LRPPRC: variants seen among roughly 807,000 people sequenced by gnomAD.
LRPPRC encodes leucine-rich PPR motif-containing protein, mitochondrial.
LRPPRC carries 120 observed loss-of-function variants against 180.3 expected under a neutral mutation model. The observed-to-expected ratio is 0.67, with a 90% CI of 0.57 to 0.77. LRPPRC has a LOEUF of 0.77. Ranked by LOEUF, LRPPRC falls within the 30% of genes least tolerant of loss-of-function variation. The pLI, the probability that LRPPRC is intolerant of heterozygous loss-of-function variation, is 0.00. For missense variants in LRPPRC, 2,012 were observed against 1,657.2 expected (o/e 1.21, Z -3.72); for synonymous variants, 723 against 600.0 (o/e 1.21, Z -3.00).
At chr2:43,956,579 T>G (rs1424843395) in intron 14 of LRPPRC, among the ~76,000 whole-genome samples, 1 of 148,674 alleles carries the variant, frequency 6.7e-6, no homozygotes, top group African/African-American at 2.5e-5. Context: ...TATTAACAAC[T>G]GGCAAATCTA....
rs142836057 is a variant in LRPPRC, at chr2:43,951,448, T to C, written c.1650-848A>G. ...AGTGCATAATATTAAGTGGTAAAAC[T>C]TGCCATGGTTCCTTTGCTGTATCCC... On this transcript the variant is annotated intron_variant, in intron 14 of 37. Coordinates refer to ENST00000260665, the MANE Select transcript of LRPPRC (RefSeq NM_133259.4). Among the ~76,000 whole-genome samples the C allele has an allele frequency of 1.4e-4, 22 of 152,330 alleles. No individual in the cohort carries two copies. In the East Asian group the frequency reaches 3.9e-3, roughly 27 times the overall value.
chr2:43,911,980 AC>A (rs1331738418), intron 30 of LRPPRC, among the ~76,000 whole-genome samples: 1 of 152,156 alleles, frequency 6.6e-6, no homozygotes, highest in Non-Finnish European at 1.5e-5. Flanking sequence ...CACTCATCAT[AC>A]GGAAGAAGAA....
In LRPPRC at chr2:43,915,198, A is replaced by ACTCTCTCTCTCT. The variant is rs142492838; in HGVS notation, c.3149-2652_3149-2641dup. Among the ~76,000 whole-genome samples, 623 of 63,396 alleles carry ACTCTCTCTCTCT rather than the reference A, an allele frequency of 9.8e-3. 25 individuals carry two copies. Among genetic ancestry groups the ACTCTCTCTCTCT allele is most frequent in the Non-Finnish European group, 0.013 (335 of 26,412 alleles). 41.6% of individuals were successfully genotyped at this position (63,396 alleles called of 152,430 possible). A position where few individuals can be genotyped will look rare whatever the true frequency, so the allele number is the denominator to read the frequency against. ...ACTCCGGCCTGGGCAACAGAACAAG[A>ACTCTCTCTCTCT]CTCTCTCTCTCTCTCTCTCTCTCTC... On this transcript the variant is annotated intron_variant, in intron 29 of 37. Transcript: ENST00000260665.
chr2:43,943,411 C>G (rs1221716855), intron 23 of LRPPRC, among the ~76,000 whole-genome samples: 5 of 151,960 alleles, frequency 3.3e-5, no homozygotes, highest in Non-Finnish European at 7.4e-5. Flanking sequence ...TAACACTTAT[C>G]AGGCTCAAAA....
At chr2:43,943,951 G>T in intron 22 of LRPPRC, 57 bp from the exon 23 acceptor site, 1 of 1,271,654 alleles carries the variant, frequency 7.9e-7, no homozygotes, top group Non-Finnish European at 1.1e-6. Flanking sequence ...AAAACAAACT[G>T]CTATTAAAAC....
At chr2:43,893,922 G>C (rs1430805956) in intron 36 of LRPPRC, among the ~76,000 whole-genome samples, 2 of 152,002 alleles carry the variant, frequency 1.3e-5, no homozygotes, top group Non-Finnish European at 2.9e-5. Context: ...CAAATCAGTG[G>C]GCCACAGATG....
At position 43,991,146 on chromosome 2, in the gene LRPPRC, C is replaced by A. The variant is rs529730025; in HGVS notation, c.149+4653G>T. 3.3e-5 allele frequency among the ~76,000 whole-genome samples: 5 copies of A among 151,986 alleles called. No homozygotes were observed. In the South Asian group the frequency reaches 1.0e-3, roughly 32 times the overall value. On this transcript the variant is annotated intron_variant, in intron 1 of 37. Transcript: ENST00000260665. Reference sequence around the variant, plus strand: ...CCAGGTTCATGCCATTCTCCCACCTCAGCCTCCCGAGTAGCTGGGACTACA... The same window carrying A: ...CCAGGTTCATGCCATTCTCCCACCTAAGCCTCCCGAGTAGCTGGGACTACA...
intron 25 of LRPPRC, among the ~76,000 whole-genome samples, chr2:43,928,939 C>G (rs572745072): frequency 2.6e-5 from 4 of 152,204 alleles, no homozygotes; most frequent in Non-Finnish European, 5.9e-5. Flanking sequence ...GAAGTCTTAG[C>G]AATAGCAAAT....
At chr2:43,911,813 C>T (rs913945076) in intron 30 of LRPPRC, among the ~76,000 whole-genome samples, 1 of 152,068 alleles carries the variant, frequency 6.6e-6, no homozygotes, top group Non-Finnish European at 1.5e-5. Flanking sequence ...GGGCATGAGC[C>T]ACCGCGCCCA....
In LRPPRC at chr2:43,973,890, T is replaced by G. The variant is rs1673931268; in HGVS notation, c.1166A>C (p.Lys389Thr). The G allele has an allele frequency of 7.5e-6, 12 of 1,597,726 alleles. No homozygotes were observed. Among genetic ancestry groups the G allele is most frequent in the Non-Finnish European group, 1.0e-5 (12 of 1,165,450 alleles). ...HCVTMNTPVE[K>T]LTDYCKKLKE... ...TAACTTCTTACAGTAGTCTGTTAGC[T>G]TCTCCACAGGCTGTGGGAAAAAAGT... The change falls in exon 10 of 38, where the codon AAG becomes ACG. Residue 389 changes from lysine (K) to threonine (T), a missense_variant. By Grantham distance (78) the Lys-to-Thr change is moderately conservative. Coordinates refer to ENST00000260665, the MANE Select transcript of LRPPRC (RefSeq NM_133259.4).
chr2:43,979,952 T>A lies in LRPPRC; in HGVS notation c.347-4A>T, dbSNP rs572976146. On this transcript the variant is annotated splice_polypyrimidine_tract_variant and splice_region_variant and intron_variant, in intron 2 of 37. Transcript: ENST00000260665. Reference sequence around the variant, plus strand: ...GCATGACTACCACCTAGGCCACCTGTGGAAAAAAGGTTAATGGATAACATT... The same window carrying A: ...GCATGACTACCACCTAGGCCACCTGAGGAAAAAAGGTTAATGGATAACATT... 2 of 1,613,552 alleles carry A rather than the reference T, an allele frequency of 1.2e-6. No homozygotes were observed. The highest frequency in any genetic ancestry group is 2.7e-5 in the African/African-American group (2 of 75,006).
chr2:43,994,574 A>C (rs754854632), intron 1 of LRPPRC, among the ~76,000 whole-genome samples: 2 of 143,062 alleles, frequency 1.4e-5, no homozygotes, highest in Non-Finnish European at 3.1e-5. Flanking sequence ...TTTGAGGATA[A>C]AATGCAGATA....
intron 1 of LRPPRC, among the ~76,000 whole-genome samples, chr2:43,990,439 C>A (rs1674724280): frequency 6.6e-6 from 1 of 152,168 alleles, no homozygotes. Context: ...CTATAATCTA[C>A]ATAAACTTTG....
At chr2:43,897,733 G>C (rs1416604149) in intron 34 of LRPPRC, among the ~76,000 whole-genome samples, 1 of 151,726 alleles carries the variant, frequency 6.6e-6, no homozygotes, top group Non-Finnish European at 1.5e-5. Context: ...CTTTCTGAGG[G>C]AGCAGGCGCC....
chr2:43,974,247 A>G lies in LRPPRC; in HGVS notation c.1058T>C (p.Val353Ala), dbSNP rs1022083406. The change falls in exon 9 of 38, where the codon GTA becomes GCA. Residue 353 changes from valine to alanine, a missense_variant. Physicochemically the swap from Val to Ala is moderately conservative, Grantham distance 64 (BLOSUM62 0). Transcript: ENST00000260665. ...GCATGCTAGTAAAATTTGCAACGCTACATCTTCCAATTTTTCAGTGACTAA... is the reference window on the plus strand; with the variant it reads ...GCATGCTAGTAAAATTTGCAACGCTGCATCTTCCAATTTTTCAGTGACTAA... Reference protein sequence around the residue: ...LLLVTEKLEDVALQILLACPV... With the variant: ...LLLVTEKLEDAALQILLACPV... 1 of 1,611,348 alleles carries G rather than the reference A, an allele frequency of 6.2e-7. No homozygotes were observed. Among genetic ancestry groups the G allele is most frequent in the African/African-American group, 1.3e-5 (1 of 75,034 alleles).
chr2:43,924,001 T>TC (rs1671789054), intron 27 of LRPPRC, among the ~76,000 whole-genome samples: 2 of 152,300 alleles, frequency 1.3e-5, no homozygotes, highest in Non-Finnish European at 2.9e-5. Context: ...CAAGCCAAAG[T>TC]CTTAAGAATT....
chr2:43,975,254 T>C (rs1674001958), intron 6 of LRPPRC, 37 bp from the exon 7 acceptor site: 1 of 1,590,484 alleles, frequency 6.3e-7, no homozygotes, highest in Non-Finnish European at 8.6e-7. Flanking sequence ...ATTATGCTTT[T>C]GCCAAATTTA....
chr2:43,911,523 C>CTTTTTTTTTTT (rs531172761), intron 30 of LRPPRC, among the ~76,000 whole-genome samples: 3 of 92,370 alleles, frequency 3.2e-5, no homozygotes, highest in African/African-American at 8.6e-5. Context: ...TCTTCTTCTT[C>CTTTTTTTTTTT]TTTTTTTTTT....
In LRPPRC at chr2:43,995,949, G is replaced by A. The variant is rs970463472; in HGVS notation, c.-2C>T. ...CGCGGATCTCAGCAGGGCTGCCATT[G>A]CTCGAACGTCCCCGCAGCGGGAAGC... On this transcript the variant is annotated 5_prime_UTR_variant, in exon 1 of 38. Coordinates refer to ENST00000260665, the MANE Select transcript of LRPPRC (RefSeq NM_133259.4). 7.2e-6 allele frequency: 11 copies of A among 1,525,578 alleles called. No homozygotes were observed. The highest frequency in any genetic ancestry group is 2.8e-5 in the African/African-American group (2 of 71,610). 94.5% of individuals were successfully genotyped at this position (1,525,578 alleles called of 1,614,324 possible). A position where few individuals can be genotyped will look rare whatever the true frequency, so the allele number is the denominator to read the frequency against.
Sources: gnomAD v4.1 joint callset for allele counts (sites outside exome capture counted in the v4.1 genomes callset) on GRCh38, gnomAD v4.1.1 for gene constraint, MANE v1.5 for transcripts, NCBI Gene and HGNC (gene_info 2026-07-23, HGNC 2026-07-21) for gene names.